KHDRBS2: variants seen among roughly 807,000 people sequenced by gnomAD.
KHDRBS2 encodes KH RNA binding domain containing, signal transduction associated 2.
In KHDRBS2, 26 loss-of-function variants were observed where a neutral mutation model predicts 44.3. The observed-to-expected ratio is 0.59, with a 90% CI of 0.43 to 0.81. The LOEUF (loss-of-function observed/expected upper bound fraction) is 0.81, where lower values mean the gene tolerates loss of function less well. KHDRBS2 is among the 40% of genes least tolerant of loss of function. KHDRBS2 has a pLI of 0.00. For synonymous variants in KHDRBS2, 194 were observed against 151.1 expected (o/e 1.28, Z -2.08); for missense variants, 476 against 433.1 (o/e 1.10, Z -0.88).
chr6:61,620,448 T>G, the KHDRBS2 span, among the ~76,000 whole-genome samples: 1 of 152,166 alleles, frequency 6.6e-6, no homozygotes, highest in African/African-American at 2.4e-5. Flanking sequence ...TATTGAAGAG[T>G]CAGCATGGCT....
intron 7 of KHDRBS2, among the ~76,000 whole-genome samples, chr6:61,716,267 T>C (rs1428051421): frequency 6.6e-6 from 1 of 151,946 alleles, no homozygotes; most frequent in Non-Finnish European, 1.5e-5. Context: ...AACTGCTATA[T>C]ATAATATGAG....
chr6:61,871,838 A>G (rs2127304394), intron 6 of KHDRBS2, among the ~76,000 whole-genome samples: 1 of 152,216 alleles, frequency 6.6e-6, no homozygotes, highest in African/African-American at 2.4e-5. Flanking sequence ...CCTGCCTTAC[A>G]AGAGCTACTG....
chr6:61,726,933 A>T (rs1773671161), intron 7 of KHDRBS2, among the ~76,000 whole-genome samples: 1 of 152,332 alleles, frequency 6.6e-6, no homozygotes, highest in Middle Eastern at 3.4e-3. Flanking sequence ...TTTAAAATTC[A>T]TATGGAACCA....
chr6:62,045,509 C>T (rs1449112198), intron 3 of KHDRBS2, among the ~76,000 whole-genome samples: 1 of 151,934 alleles, frequency 6.6e-6, no homozygotes, highest in African/African-American at 2.4e-5. Context: ...TTATCAAGTC[C>T]TAAAAGTATA....
chr6:62,271,631 G>C (rs1276350314), intron 1 of KHDRBS2, among the ~76,000 whole-genome samples: 1 of 152,086 alleles, frequency 6.6e-6, no homozygotes, highest in Non-Finnish European at 1.5e-5. Context: ...AGTAGGACAA[G>C]ATGTAGGGTG....
intron 2 of KHDRBS2, among the ~76,000 whole-genome samples, chr6:62,111,288 G>T (rs554879553): frequency 1.3e-5 from 2 of 152,120 alleles, no homozygotes; most frequent in East Asian, 1.9e-4. Flanking sequence ...CTTCATTTTG[G>T]ATCATTTTTA....
At position 61,825,892 on chromosome 6, in the gene KHDRBS2, A is replaced by C. The variant is rs190865553; in HGVS notation, c.810+68743T>G. ...AATTAAATAAGTCAATATTTAAAAA[A>C]TTTTTAGAGCAGTACCTGCCACATA... On this transcript the variant is annotated intron_variant, in intron 6 of 8. Coordinates refer to ENST00000281156, the MANE Select transcript of KHDRBS2 (RefSeq NM_152688.4). Among the ~76,000 whole-genome samples the C allele has an allele frequency of 1.6e-3, 241 of 152,270 alleles. 3 individuals are homozygous for C. The highest frequency in any genetic ancestry group is 0.014 in the Admixed American group (217 of 15,282).
chr6:62,208,923 C>G (rs2150143473), intron 1 of KHDRBS2, among the ~76,000 whole-genome samples: 1 of 152,216 alleles, frequency 6.6e-6, no homozygotes, highest in African/African-American at 2.4e-5. Flanking sequence ...GGGGAAAAGC[C>G]CCTTGACATG....
At chr6:62,227,620 T>C (rs527757148) in intron 1 of KHDRBS2, among the ~76,000 whole-genome samples, 1 of 152,342 alleles carries the variant, frequency 6.6e-6, no homozygotes, top group Admixed American at 6.5e-5. Context: ...AGGGGAATGC[T>C]TCCAGCTTTT....
chr6:61,859,226 GT>G (rs1210134993), intron 6 of KHDRBS2, among the ~76,000 whole-genome samples: 1 of 151,836 alleles, frequency 6.6e-6, no homozygotes, highest in African/African-American at 2.4e-5. Flanking sequence ...ATGACTCCAA[GT>G]TTTTCCTCAG....
the KHDRBS2 span, among the ~76,000 whole-genome samples, chr6:61,670,910 G>T: frequency 2.6e-5 from 4 of 151,520 alleles, no homozygotes; most frequent in African/African-American, 7.3e-5. Context: ...ATTTCTCATT[G>T]TAGGAGCTCT....
the KHDRBS2 span, among the ~76,000 whole-genome samples, chr6:61,606,924 T>C: frequency 6.6e-6 from 1 of 152,334 alleles, no homozygotes; most frequent in East Asian, 1.9e-4. Context: ...TTTCCTTTAG[T>C]GGTCAAGGGT....
chr6:61,655,447 G>A, the KHDRBS2 span, among the ~76,000 whole-genome samples: 4 of 152,088 alleles, frequency 2.6e-5, no homozygotes, highest in African/African-American at 7.2e-5. Flanking sequence ...TAGAGACAGG[G>A]TTTCACCATG....
chr6:61,639,522 T>A, the KHDRBS2 span, among the ~76,000 whole-genome samples: 1 of 152,076 alleles, frequency 6.6e-6, no homozygotes, highest in African/African-American at 2.4e-5. Flanking sequence ...CCATCTCACA[T>A]GCTAACTCTT....
At chr6:61,635,718 T>C in the KHDRBS2 span, among the ~76,000 whole-genome samples, 10 of 152,144 alleles carry the variant, frequency 6.6e-5, no homozygotes, top group Middle Eastern at 6.8e-3. Flanking sequence ...ATACCTACTA[T>C]CCATGTTGAG....
At chr6:62,226,117 T>G (rs1052990789) in intron 1 of KHDRBS2, among the ~76,000 whole-genome samples, 3 of 152,196 alleles carry the variant, frequency 2.0e-5, no homozygotes, top group African/African-American at 7.2e-5. Flanking sequence ...TTCCACAATG[T>G]CTTCCACAAT....
chr6:61,720,695 T>G (rs149430373), intron 7 of KHDRBS2, among the ~76,000 whole-genome samples: 2 of 152,152 alleles, frequency 1.3e-5, no homozygotes, highest in Non-Finnish European at 2.9e-5. Flanking sequence ...GTTAGACGAG[T>G]AGGTTGCGAA....
intron 7 of KHDRBS2, among the ~76,000 whole-genome samples, chr6:61,728,728 G>A (rs1256303646): frequency 6.6e-6 from 1 of 152,090 alleles, no homozygotes; most frequent in African/African-American, 2.4e-5. Flanking sequence ...TAACACACAT[G>A]AAAGATAGAT....
At chr6:61,576,687 C>T in the KHDRBS2 span, among the ~76,000 whole-genome samples, 1 of 152,100 alleles carries the variant, frequency 6.6e-6, no homozygotes, top group Non-Finnish European at 1.5e-5. Flanking sequence ...ATAAACTGTA[C>T]ATAAACTATA....
Sources: gnomAD v4.1 joint callset for allele counts (sites outside exome capture counted in the v4.1 genomes callset) on GRCh38, gnomAD v4.1.1 for gene constraint, MANE v1.5 for transcripts, NCBI Gene and HGNC (gene_info 2026-07-23, HGNC 2026-07-21) for gene names.